The following MYLK3 variants were observed in gnomAD, a reference collection of about 807,000 sequenced individuals.
MYLK3 encodes myosin light chain kinase 3, also known as MLC kinase.
MYLK3 carries 55 observed loss-of-function variants against 76.3 expected under a neutral mutation model. That is an observed-to-expected ratio of 0.72 (90% CI 0.58 to 0.90). MYLK3 has a LOEUF of 0.90. MYLK3 is among the 40% of genes least tolerant of loss of function. The pLI, the probability that MYLK3 is intolerant of heterozygous loss-of-function variation, is 0.00. For missense variants in MYLK3, 973 were observed against 1,053.6 expected (o/e 0.92, Z 1.06); for synonymous variants, 416 against 425.4 (o/e 0.98, Z 0.27).
At chr16:46,757,107 G>A (rs1255238382) in intron 1 of MYLK3, among the ~76,000 whole-genome samples, 1 of 152,116 alleles carries the variant, frequency 6.6e-6, no homozygotes, top group Non-Finnish European at 1.5e-5. Flanking sequence ...TCTCCTCCAT[G>A]GCACCAAGCT....
chr16:46,722,863 C>G (rs1966813448), intron 8 of MYLK3, among the ~76,000 whole-genome samples: 1 of 152,104 alleles, frequency 6.6e-6, no homozygotes, highest in Non-Finnish European at 1.5e-5. Flanking sequence ...GTGTGGGCCA[C>G]CACACCCAGC....
chr16:46,763,001 C>A lies in MYLK3; in HGVS notation c.-114+39G>T, dbSNP rs534961713. Reference sequence around the variant, plus strand: ...CTAATACACTGCTGAAAACACCCCCCCACACACACACAGTAGGTTTATCAC... The same window carrying A: ...CTAATACACTGCTGAAAACACCCCCACACACACACACAGTAGGTTTATCAC... On this transcript the variant is annotated intron_variant, in intron 1 of 11. Coordinates refer to the MYLK3 transcript ENST00000536476. 552 of 981,238 alleles carry A rather than the reference C, an allele frequency of 5.6e-4. 1 individual carries two copies. Among genetic ancestry groups the A allele is most frequent in the African/African-American group, 1.8e-3 (101 of 57,208 alleles). The allele number at this position is 981,238 out of a possible 1,614,324, so 60.8% of individuals were successfully genotyped here.
Position 46,710,708 on chromosome 16 carries a change from A to G in MYLK3, c.2196T>C (p.Asp732=), listed in dbSNP as rs1172266113. Reference sequence around the variant, plus strand: ...CCGAGAGCCCTTCAAAGGTGTCAGCATCAAAATCCCAGCTACAGTTTACAA... The same window carrying G: ...CCGAGAGCCCTTCAAAGGTGTCAGCGTCAAAATCCCAGCTACAGTTTACAA... ...NFIVNCSWDF[D]ADTFEGLSEE... The change falls in exon 11 of 13, where the codon GAT becomes GAC. Residue 732 remains aspartate, a synonymous_variant. Coordinates refer to ENST00000394809, the MANE Select transcript of MYLK3 (RefSeq NM_182493.3). 2 of 1,614,068 alleles carry G rather than the reference A, an allele frequency of 1.2e-6. No homozygotes were observed. The highest frequency in any genetic ancestry group is 2.7e-5 in the African/African-American group (2 of 74,912).
chr16:46,727,904 G>A (rs1018675430), intron 7 of MYLK3, among the ~76,000 whole-genome samples: 2 of 152,186 alleles, frequency 1.3e-5, no homozygotes, highest in Non-Finnish European at 2.9e-5. Flanking sequence ...GGAAGTGACA[G>A]GTCAAAGGGA....
At chr16:46,735,805 G>T (rs921160347) in intron 3 of MYLK3, among the ~76,000 whole-genome samples, 2 of 152,194 alleles carry the variant, frequency 1.3e-5, no homozygotes, top group Non-Finnish European at 2.9e-5. Flanking sequence ...AGCTGAGAAG[G>T]CCAGCAGTCA....
intron 1 of MYLK3, among the ~76,000 whole-genome samples, chr16:46,742,756 A>G (rs1966954639): frequency 1.3e-5 from 2 of 152,180 alleles, no homozygotes; most frequent in African/African-American, 4.8e-5. Flanking sequence ...TGGGGGAGGC[A>G]CTTCATCAAA....
At chr16:46,709,123 G>C (rs1966656355) in intron 12 of MYLK3, among the ~76,000 whole-genome samples, 1 of 152,116 alleles carries the variant, frequency 6.6e-6, no homozygotes, top group South Asian at 2.1e-4. Context: ...CAAAATGTAA[G>C]TAAAACCCTG....
At chr16:46,762,277 G>A (rs949584979) in intron 1 of MYLK3, among the ~76,000 whole-genome samples, 3 of 152,076 alleles carry the variant, frequency 2.0e-5, no homozygotes, top group African/African-American at 2.4e-5. Flanking sequence ...GGTTCATTCC[G>A]CCTGTGAGAA....
chr16:46,748,242 A>T lies in MYLK3; in HGVS notation c.-49T>A. Reference sequence around the variant, plus strand: ...AAGAGCGGGGAATGAGGAGAGGCACAGACCCCTGGTTCTCACTCAGGCGGT... The same window carrying T: ...AAGAGCGGGGAATGAGGAGAGGCACTGACCCCTGGTTCTCACTCAGGCGGT... On this transcript the variant is annotated 5_prime_UTR_variant, in exon 1 of 13. Transcript: ENST00000394809. The surrounding 1 kb of genome is among the most constrained non-coding windows in gnomAD (Gnocchi z 4.3). The T allele has an allele frequency of 6.4e-7, 1 of 1,565,386 alleles. No individual in the cohort carries two copies. The highest frequency in any genetic ancestry group is 1.2e-5 in the South Asian group (1 of 83,560).
At chr16:46,756,585 G>A (rs184693501) in intron 1 of MYLK3, among the ~76,000 whole-genome samples, 209 of 152,290 alleles carry the variant, frequency 1.4e-3, no homozygotes, top group Middle Eastern at 6.8e-3. Flanking sequence ...TATAACAGTC[G>A]TGTTGCAGCG....
At chr16:46,710,013 G>C (rs1966667024) in intron 11 of MYLK3, among the ~76,000 whole-genome samples, 1 of 152,230 alleles carries the variant, frequency 6.6e-6, no homozygotes, top group African/African-American at 2.4e-5. Context: ...CAGGAAATTT[G>C]AAGGAAGCTC....
chr16:46,760,994 C>A lies in MYLK3; in HGVS notation c.-114+2046G>T, dbSNP rs546717911. Among the ~76,000 whole-genome samples the A allele has an allele frequency of 1.9e-3, 295 of 152,284 alleles. 1 individual carries two copies. Among genetic ancestry groups the A allele is most frequent in the African/African-American group, 6.9e-3 (285 of 41,562 alleles). On this transcript the variant is annotated intron_variant, in intron 1 of 11. Coordinates refer to the MYLK3 transcript ENST00000536476. Reference sequence around the variant, plus strand: ...AGTTGGAATGACACAGTGGCCAGGGCAGGCTTCTGGGGCCCCACATCTGCA... The same window carrying A: ...AGTTGGAATGACACAGTGGCCAGGGAAGGCTTCTGGGGCCCCACATCTGCA...
chr16:46,746,013 T>C (rs1967015109), intron 1 of MYLK3, among the ~76,000 whole-genome samples: 1 of 152,064 alleles, frequency 6.6e-6, no homozygotes, highest in Non-Finnish European at 1.5e-5. Flanking sequence ...GCATATTAAT[T>C]TTGTTAAAGC....
intron 1 of MYLK3, among the ~76,000 whole-genome samples, chr16:46,740,753 T>A (rs1966918887): frequency 6.6e-6 from 1 of 151,942 alleles, no homozygotes; most frequent in African/African-American, 2.4e-5. Flanking sequence ...GGTTTCACCA[T>A]GTTGGCCAGG....
Position 46,747,983 on chromosome 16 carries a change from GGGA to G in MYLK3, c.208_210del (p.Ser70del). Reference sequence around the variant, plus strand: ...TCAGCCCCGCCCGGGCCCGGTGCCCGGGAGGCCTCCAGCCTGTGCAGGCCCCGC... The same window carrying G: ...TCAGCCCCGCCCGGGCCCGGTGCCCGGGCCTCCAGCCTGTGCAGGCCCCGC... On this transcript the variant is annotated inframe_deletion, in exon 1 of 13. Coordinates refer to ENST00000394809, the MANE Select transcript of MYLK3 (RefSeq NM_182493.3). 1 of 1,613,214 alleles carries G rather than the reference GGGA, an allele frequency of 6.2e-7. No individual in the cohort carries two copies.
In MYLK3 at chr16:46,707,656, C is replaced by T. The variant is rs112279264; in HGVS notation, c.*48G>A. 16 of 1,316,122 alleles carry T rather than the reference C, an allele frequency of 1.2e-5. No homozygotes were observed. The highest frequency in any genetic ancestry group is 8.8e-5 in the African/African-American group (6 of 68,084). The allele number at this position is 1,316,122 out of a possible 1,614,324, so 81.5% of individuals were successfully genotyped here. On this transcript the variant is annotated 3_prime_UTR_variant, in exon 13 of 13. Transcript: ENST00000394809. ...TGTTTGAGTCATCTCTTCACTTCACCACTGGCCTCAGTAATTTCTGGACCC... is the reference window on the plus strand; with the variant it reads ...TGTTTGAGTCATCTCTTCACTTCACTACTGGCCTCAGTAATTTCTGGACCC...
At chr16:46,720,175 C>G (rs908022994) in intron 9 of MYLK3, among the ~76,000 whole-genome samples, 2 of 152,146 alleles carry the variant, frequency 1.3e-5, no homozygotes, top group African/African-American at 4.8e-5. Context: ...AAGACTCCAT[C>G]TCAAAATAAT....
rs1462280314 is a variant in MYLK3 at position 46,710,917 on chromosome 16, C to T, written c.2115-128G>A. On this transcript the variant is annotated intron_variant, in intron 10 of 12. Coordinates refer to ENST00000394809, the MANE Select transcript of MYLK3 (RefSeq NM_182493.3). ...CCAAGAGGGTTCAAAATAAAAGCAC[C>T]TCCACTACTTCTCCACAGGATGGAG... 9.0e-6 allele frequency: 9 copies of T among 1,003,058 alleles called. No individual in the cohort carries two copies. The Admixed American group carries it at 1.4e-4, about 15-fold the overall frequency. 62.1% of individuals were successfully genotyped at this position (1,003,058 alleles called of 1,614,324 possible). A position where few individuals can be genotyped will look rare whatever the true frequency, so the allele number is the denominator to read the frequency against.
chr16:46,721,840 G>T (rs184716468), intron 8 of MYLK3, among the ~76,000 whole-genome samples: 27 of 152,076 alleles, frequency 1.8e-4, no homozygotes, highest in African/African-American at 6.0e-4. Flanking sequence ...AATCATCAGG[G>T]GAGCTTTTAA....
Sources: allele counts gnomAD v4.1 joint callset (sites outside exome capture counted in the v4.1 genomes callset), GRCh38; gene constraint gnomAD v4.1.1; non-coding constraint Gnocchi (gnomAD v3.1); transcripts MANE v1.5; gene names NCBI Gene and HGNC (gene_info 2026-07-23, HGNC 2026-07-21).